MOB3B: variants seen among roughly 807,000 people sequenced by gnomAD.
MOB3B encodes the protein MOB kinase activator-like 2B.
In MOB3B, 7 loss-of-function variants were observed where a neutral mutation model predicts 18.7. The observed-to-expected ratio is 0.37, with a 90% CI of 0.21 to 0.70. The LOEUF (loss-of-function observed/expected upper bound fraction) is 0.70, where lower values mean the gene tolerates loss of function less well. Among genes scored for constraint, MOB3B ranks in the 30% least tolerant of loss-of-function variants. The pLI is 0.52. For synonymous variants in MOB3B, 111 were observed against 99.9 expected (o/e 1.11, Z -0.66); for missense variants, 253 against 281.3 (o/e 0.90, Z 0.72).
rs755857148 is a variant in MOB3B at position 27,455,451 on chromosome 9, C to T, written c.100G>A (p.Ala34Thr). Reference protein sequence around the residue: ...GTQRFELHKRAQASLNSGVDL... With the variant: ...GTQRFELHKRTQASLNSGVDL... ...ACACCCGAGTTGAGGGATGCCTGAG[C>T]CCGTTTGTGCAGCTCAAACCTCTGT... Residue 34 changes from alanine (A) to threonine (T), a missense_variant, in exon 2 of 4, where the codon GCT (alanine) becomes ACT (threonine). Coordinates refer to ENST00000262244, the MANE Select transcript of MOB3B (RefSeq NM_024761.5). 1.2e-6 allele frequency: 2 copies of T among 1,614,254 alleles called. No homozygotes were observed. Among genetic ancestry groups the T allele is most frequent in the Non-Finnish European group, 8.5e-7 (1 of 1,180,046 alleles).
intron 1 of MOB3B, among the ~76,000 whole-genome samples, chr9:27,514,560 T>C (rs1820201290): frequency 6.6e-6 from 1 of 152,186 alleles, no homozygotes. Flanking sequence ...CTACAGATTA[T>C]TTTCCCAGAA....
chr9:27,516,948 G>C (rs1820244212), intron 1 of MOB3B, among the ~76,000 whole-genome samples: 1 of 152,122 alleles, frequency 6.6e-6, no homozygotes, highest in South Asian at 2.1e-4. Flanking sequence ...GAACTCACCA[G>C]TTGCTCCCCT....
chr9:27,403,705 T>C (rs2131394663), intron 2 of MOB3B, among the ~76,000 whole-genome samples: 1 of 152,040 alleles, frequency 6.6e-6, no homozygotes, highest in East Asian at 1.9e-4. Flanking sequence ...GGTCCTGAAC[T>C]CCTGACCTTG....
At chr9:27,525,059 C>T in intron 1 of MOB3B, 1 of 1,076,842 alleles carries the variant, frequency 9.3e-7, no homozygotes, top group Non-Finnish European at 1.3e-6. Context: ...GTCCTGTAAG[C>T]CTGTCCTCAG....
rs79546166 is a variant in MOB3B at position 27,455,297 on chromosome 9, C to A, written c.254G>T (p.Arg85Leu). 4.1e-4 allele frequency: 654 copies of A among 1,614,098 alleles called. 5 individuals carry two copies. In the African/African-American group the frequency reaches 7.8e-3, roughly 19 times the overall value. Residue 85 changes from arginine to leucine, a missense_variant, in exon 2 of 4, where the codon CGG (arginine) becomes CTG (leucine). Arg to Leu is a moderately radical substitution (Grantham distance 102, BLOSUM62 -2). Coordinates refer to ENST00000262244, the MANE Select transcript of MOB3B (RefSeq NM_024761.5). Reference protein sequence around the residue: ...YGTICEFCTERTCPVMSGGPK... With the variant: ...YGTICEFCTELTCPVMSGGPK... ...GCCCCCTGACATCACAGGACAGGTC[C>A]GCTCGGTGCAGAACTCACAGATGGT... is the stretch of plus-strand genomic sequence containing the variant.
chr9:27,378,550 C>T (rs371740921), intron 2 of MOB3B: 5 of 470,892 alleles, frequency 1.1e-5, no homozygotes, highest in African/African-American at 2.0e-5. Flanking sequence ...GCCAAAGGAC[C>T]GTGAAGGTGA....
intron 1 of MOB3B, chr9:27,524,614 A>T: frequency 6.2e-7 from 1 of 1,614,166 alleles, no homozygotes; most frequent in Non-Finnish European, 8.5e-7. Context: ...ATGTCCCTAC[A>T]GGCCTTCAAC....
At chr9:27,382,717 G>GATATATATATATATAT (rs57101091) in intron 2 of MOB3B, among the ~76,000 whole-genome samples, 7 of 148,054 alleles carry the variant, frequency 4.7e-5, no homozygotes, top group South Asian at 4.4e-4. Context: ...AGGTGAAGGT[G>GATATATATATATATAT]ATATATATAT....
At chr9:27,489,703 C>T (rs990461721) in intron 1 of MOB3B, among the ~76,000 whole-genome samples, 1 of 142,850 alleles carries the variant, frequency 7.0e-6, no homozygotes, top group African/African-American at 2.5e-5. Context: ...TGGAAACAGG[C>T]CCCTAGAGGG....
intron 1 of MOB3B, among the ~76,000 whole-genome samples, chr9:27,499,991 G>A (rs1304569924): frequency 6.6e-6 from 1 of 152,068 alleles, no homozygotes; most frequent in African/African-American, 2.4e-5. Flanking sequence ...TACAAAGTCG[G>A]TCTCAAGTTA....
At chr9:27,480,472 TG>T (rs1388976172) in intron 1 of MOB3B, among the ~76,000 whole-genome samples, 1 of 152,170 alleles carries the variant, frequency 6.6e-6, no homozygotes, top group Non-Finnish European at 1.5e-5. Flanking sequence ...GCTAATTTTT[TG>T]CATTTTTTAG....
At chr9:27,508,235 C>T (rs7866768) in intron 1 of MOB3B, among the ~76,000 whole-genome samples, 60 of 152,300 alleles carry the variant, frequency 3.9e-4, no homozygotes, top group African/African-American at 1.3e-3. Flanking sequence ...TGTCTTTTGA[C>T]TGAGTTTCTT....
rs572171729 is a variant in MOB3B at position 27,441,451 on chromosome 9, G to C, written c.418+13682C>G. Reference sequence around the variant, plus strand: ...TGGAGCCATCATTAAGGAAAATAAGGGTTCCTTGAACACAAGCTCTGTGAT... The same window carrying C: ...TGGAGCCATCATTAAGGAAAATAAGCGTTCCTTGAACACAAGCTCTGTGAT... On this transcript the variant is annotated intron_variant, in intron 2 of 3. Coordinates refer to ENST00000262244, the MANE Select transcript of MOB3B (RefSeq NM_024761.5). Among the ~76,000 whole-genome samples, 4 of 152,104 alleles carry C rather than the reference G, an allele frequency of 2.6e-5. No individual in the cohort carries two copies. In the South Asian group the frequency reaches 8.3e-4, roughly 32 times the overall value.
intron 2 of MOB3B, among the ~76,000 whole-genome samples, chr9:27,360,658 C>T (rs1361669672): frequency 1.3e-5 from 2 of 152,224 alleles, no homozygotes; most frequent in Non-Finnish European, 2.9e-5. Flanking sequence ...GTCCTTCCCT[C>T]CACAGAAACC....
At chr9:27,428,297 A>G (rs1308850929) in intron 2 of MOB3B, among the ~76,000 whole-genome samples, 1 of 152,184 alleles carries the variant, frequency 6.6e-6, no homozygotes, top group African/African-American at 2.4e-5. Context: ...TAAAATGCAG[A>G]ATTTGTTTCA....
At chr9:27,450,465 C>T (rs1023233155) in intron 2 of MOB3B, among the ~76,000 whole-genome samples, 2 of 152,072 alleles carry the variant, frequency 1.3e-5, no homozygotes, top group African/African-American at 4.8e-5. Context: ...TTTACAGTAC[C>T]TGGACACAGT....
At chr9:27,378,679 A>G (rs1190756709) in intron 2 of MOB3B, 3 of 470,946 alleles carry the variant, frequency 6.4e-6, no homozygotes, top group Non-Finnish European at 1.3e-5. Flanking sequence ...CCAGAACCAC[A>G]CCTGGGGAAT....
At chr9:27,498,346 T>C (rs534997590) in intron 1 of MOB3B, among the ~76,000 whole-genome samples, 8 of 152,326 alleles carry the variant, frequency 5.3e-5, no homozygotes, top group East Asian at 1.9e-4. Flanking sequence ...CATTGTTTAA[T>C]TGGCTTTGGG....
In MOB3B at chr9:27,416,145, C is replaced by T. The variant is rs537366245; in HGVS notation, c.418+38988G>A. ...CAGCATATACAAGTATTATTGAATT[C>T]TGAATAACTACAGTTTAATAAACTC... On this transcript the variant is annotated intron_variant, in intron 2 of 3. Coordinates refer to ENST00000262244, the MANE Select transcript of MOB3B (RefSeq NM_024761.5). Among the ~76,000 whole-genome samples the T allele has an allele frequency of 1.3e-4, 19 of 151,886 alleles. No homozygotes were observed. The South Asian group carries it at 1.5e-3, about 12-fold the overall frequency.
Sources: allele counts gnomAD v4.1 joint callset (sites outside exome capture counted in the v4.1 genomes callset), GRCh38; gene constraint gnomAD v4.1.1; transcripts MANE v1.5; gene names NCBI Gene and HGNC (gene_info 2026-07-23, HGNC 2026-07-21).